CNTN1: variants seen among roughly 807,000 people sequenced by gnomAD.
The protein encoded by CNTN1 is contactin-1.
In CNTN1, 38 loss-of-function variants were observed where a neutral mutation model predicts 126.4. The observed-to-expected ratio is 0.30, with a 90% CI of 0.23 to 0.39. CNTN1 has a LOEUF of 0.39. Among genes scored for constraint, CNTN1 ranks in the 10% least tolerant of loss-of-function variants. The pLI, the probability that CNTN1 is intolerant of heterozygous loss-of-function variation, is 1.00. For synonymous variants in CNTN1, 413 were observed against 422.6 expected (o/e 0.98, Z 0.28); for missense variants, 1,009 against 1,248.4 (o/e 0.81, Z 2.89).
chr12:40,871,186 GAAAAAAAAAAAAA>G lies in CNTN1; in HGVS notation c.-76-37155_-76-37143del, dbSNP rs201485882. 1.2e-4 allele frequency among the ~76,000 whole-genome samples: 14 copies of G among 113,556 alleles called. No individual in the cohort carries two copies. In the East Asian group the frequency reaches 1.6e-3, roughly 13 times the overall value. The allele number at this position is 113,556 out of a possible 152,430, so 74.5% of individuals were successfully genotyped here. On this transcript the variant is annotated intron_variant, in intron 1 of 23. Transcript: ENST00000551295. Reference sequence around the variant, plus strand: ...AGTAGTGACTTGGATCTGTTACAGAGAAAAAAAAAAAAAAAAAAAAAAAAAAAACAGAAGAAGC... The same window carrying G: ...AGTAGTGACTTGGATCTGTTACAGAGAAAAAAAAAAAAAAACAGAAGAAGC...
intron 20 of CNTN1, among the ~76,000 whole-genome samples, chr12:41,023,801 T>C (rs1164463534): frequency 6.6e-6 from 1 of 152,226 alleles, no homozygotes; most frequent in Admixed American, 6.5e-5. Context: ...ACATCCGTTT[T>C]GGTCTGAATC....
chr12:40,956,704 G>C (rs1946895939), intron 14 of CNTN1, among the ~76,000 whole-genome samples: 1 of 152,104 alleles, frequency 6.6e-6, no homozygotes, highest in African/African-American at 2.4e-5. Context: ...AGAGCCTAGA[G>C]AATGGAATCA....
chr12:41,043,748 C>T (rs1267936684), intron 23 of CNTN1, among the ~76,000 whole-genome samples: 4 of 151,576 alleles, frequency 2.6e-5, no homozygotes, highest in African/African-American at 9.7e-5. Flanking sequence ...TGGAACCAAC[C>T]CAAATGTCCA....
At chr12:40,977,696 G>A (rs1420299420) in intron 15 of CNTN1, among the ~76,000 whole-genome samples, 1 of 152,114 alleles carries the variant, frequency 6.6e-6, no homozygotes, top group Non-Finnish European at 1.5e-5. Context: ...AAGGTTTCCT[G>A]ATGGCTTTCT....
chr12:40,913,461 T>C (rs1372966527), intron 3 of CNTN1, among the ~76,000 whole-genome samples: 1 of 152,182 alleles, frequency 6.6e-6, no homozygotes, highest in Non-Finnish European at 1.5e-5. Context: ...TTTAGTCTTT[T>C]GAAATTTTGA....
intron 3 of CNTN1, 83 bp downstream of exon 3, chr12:40,910,188 C>A (rs1434302625): frequency 1.8e-6 from 2 of 1,128,410 alleles, no homozygotes; most frequent in African/African-American, 1.5e-5. Context: ...TATTAACTCT[C>A]TAAACTTTAA....
At position 40,940,650 on chromosome 12, in the gene CNTN1, A is replaced by G. The variant is rs540179521; in HGVS notation, c.1379+1165A>G. Among the ~76,000 whole-genome samples the G allele has an allele frequency of 3.9e-5, 6 of 152,292 alleles. No individual in the cohort carries two copies. In the South Asian group the frequency reaches 1.2e-3, roughly 32 times the overall value. The stretch of plus-strand genomic sequence containing the variant: ...AGTTGTAAGACATTGATATAAATTG[A>G]GAATATGCCAGCACAGCCCTCTTAT... On this transcript the variant is annotated intron_variant, in intron 12 of 23. Coordinates refer to ENST00000551295, the MANE Select transcript of CNTN1 (RefSeq NM_001843.4).
chr12:40,892,219 C>T (rs11178933), intron 1 of CNTN1, among the ~76,000 whole-genome samples: 82,377 of 151,756 alleles, frequency 0.54, 22,956 homozygotes, highest in African/African-American at 0.66. Flanking sequence ...GATGTATAGA[C>T]TGGATGCGAA....
chr12:40,720,343 A>G (rs1049388573), intron 1 of CNTN1, among the ~76,000 whole-genome samples: 4 of 152,006 alleles, frequency 2.6e-5, no homozygotes, highest in Admixed American at 2.6e-4. Flanking sequence ...CTTAATTAAG[A>G]GTATGCTTAT....
chr12:40,694,048 C>G (rs1282035564), intron 1 of CNTN1, among the ~76,000 whole-genome samples: 1 of 152,108 alleles, frequency 6.6e-6, no homozygotes, highest in Non-Finnish European at 1.5e-5. Flanking sequence ...CGAAGTGTAA[C>G]GCAAATCAAA....
intron 1 of CNTN1, among the ~76,000 whole-genome samples, chr12:40,811,226 G>A (rs151259176): frequency 3.4e-4 from 51 of 152,144 alleles, no homozygotes; most frequent in African/African-American, 1.1e-3. Flanking sequence ...TGGTCATTCT[G>A]TTTTTAATTT....
chr12:40,775,415 T>G (rs970247732), intron 1 of CNTN1, among the ~76,000 whole-genome samples: 1 of 151,508 alleles, frequency 6.6e-6, no homozygotes, highest in Non-Finnish European at 1.5e-5. Context: ...CTTGGGTAAG[T>G]AGTTTATCTT....
chr12:40,737,791 C>T (rs1937761997), intron 1 of CNTN1, among the ~76,000 whole-genome samples: 1 of 151,940 alleles, frequency 6.6e-6, no homozygotes, highest in South Asian at 2.1e-4. Context: ...CATTACATTA[C>T]TACCAAAATC....
chr12:40,809,752 G>A (rs971147105), intron 1 of CNTN1, among the ~76,000 whole-genome samples: 4 of 151,592 alleles, frequency 2.6e-5, no homozygotes, highest in African/African-American at 9.7e-5. Context: ...GGGGGCAGAG[G>A]TTGCAGTGAG....
intron 9 of CNTN1, among the ~76,000 whole-genome samples, chr12:40,934,449 A>G (rs1392952164): frequency 1.3e-5 from 2 of 151,176 alleles, no homozygotes; most frequent in Non-Finnish European, 3.0e-5. Context: ...TTTTTTGACA[A>G]AATTATCATG....
At chr12:40,994,405 C>T (rs1948164453) in intron 17 of CNTN1, among the ~76,000 whole-genome samples, 1 of 152,036 alleles carries the variant, frequency 6.6e-6, no homozygotes, top group Non-Finnish European at 1.5e-5. Flanking sequence ...TTTGTTTAGA[C>T]CAATTTAATC....
intron 1 of CNTN1, among the ~76,000 whole-genome samples, chr12:40,798,712 G>A (rs182220272): frequency 9.0e-4 from 137 of 152,064 alleles, no homozygotes; most frequent in East Asian, 3.5e-3. Context: ...ACACATAGAG[G>A]AGAACAACAG....
intron 1 of CNTN1, among the ~76,000 whole-genome samples, chr12:40,857,459 A>C (rs1353722640): frequency 6.6e-6 from 1 of 152,044 alleles, no homozygotes; most frequent in Non-Finnish European, 1.5e-5. Context: ...AGGAACTTTG[A>C]TGAAAGTTGA....
chr12:40,892,690 G>C lies in CNTN1; in HGVS notation c.-76-15667G>C, dbSNP rs147964495. Reference sequence around the variant, plus strand: ...ACTATATACTCACAGCTTCCGGAAGGGAAGTCCACTTCTGCAAGGGCAAGA... The same window carrying C: ...ACTATATACTCACAGCTTCCGGAAGCGAAGTCCACTTCTGCAAGGGCAAGA... On this transcript the variant is annotated intron_variant, in intron 1 of 23. Transcript: ENST00000551295. Among the ~76,000 whole-genome samples, 22 of 152,154 alleles carry C rather than the reference G, an allele frequency of 1.4e-4. No homozygotes were observed. The South Asian group carries it at 4.3e-3, about 30-fold the overall frequency.
Sources: gnomAD v4.1 joint callset for allele counts (sites outside exome capture counted in the v4.1 genomes callset) on GRCh38, gnomAD v4.1.1 for gene constraint, MANE v1.5 for transcripts, NCBI Gene and HGNC (gene_info 2026-07-23, HGNC 2026-07-21) for gene names.